Variants in PAM observed in about 807,000 individuals in gnomAD.
The protein encoded by PAM is peptidyl-glycine alpha-amidating monooxygenase.
In PAM, 72 loss-of-function variants were observed where a neutral mutation model predicts 122.1. The observed-to-expected ratio is 0.59, with a 90% CI of 0.49 to 0.72. PAM has a LOEUF of 0.72. Ranked by LOEUF, PAM falls within the 30% of genes least tolerant of loss-of-function variation. The probability of loss-of-function intolerance (pLI) is 0.00; values close to 1 mark genes in which losing one functional copy is unlikely to be tolerated. For missense variants in PAM, 1,106 were observed against 1,183.7 expected, an observed-to-expected ratio of 0.93 and a Z score of 0.96; for synonymous variants, 389 against 404.4, an observed-to-expected ratio of 0.96 and a Z score of 0.46.
At chr5:102,850,896 C>T (rs765234990) in intron 1 of PAM, among the ~76,000 whole-genome samples, 3 of 152,196 alleles carry the variant, frequency 2.0e-5, no homozygotes, top group Admixed American at 6.5e-5. Context: ...GGAGTAACTA[C>T]TGACTACCAT....
intron 1 of PAM, among the ~76,000 whole-genome samples, chr5:102,775,569 C>T (rs1203194396): frequency 1.3e-5 from 2 of 152,104 alleles, no homozygotes; most frequent in Non-Finnish European, 2.9e-5. Flanking sequence ...TCAGCTTCTA[C>T]TTATGAGTGA....
chr5:102,839,154 G>A (rs1309996617), intron 1 of PAM, among the ~76,000 whole-genome samples: 1 of 152,052 alleles, frequency 6.6e-6, no homozygotes, highest in Non-Finnish European at 1.5e-5. Context: ...CCCTCTCTAT[G>A]TAAAATTTCA....
chr5:103,020,896 C>G (rs969072218), intron 23 of PAM, among the ~76,000 whole-genome samples: 3 of 152,026 alleles, frequency 2.0e-5, no homozygotes, highest in Non-Finnish European at 4.4e-5. Context: ...TTGTAGAGAT[C>G]CAAGTGACAC....
chr5:102,799,126 G>C (rs554430076), intron 1 of PAM, among the ~76,000 whole-genome samples: 2 of 152,146 alleles, frequency 1.3e-5, no homozygotes, highest in African/African-American at 2.4e-5. Flanking sequence ...AAAATAACCT[G>C]GAATTCTGAC....
intron 14 of PAM, among the ~76,000 whole-genome samples, chr5:102,963,503 G>T (rs1480415342): frequency 6.6e-6 from 1 of 151,886 alleles, no homozygotes; most frequent in Non-Finnish European, 1.5e-5. Flanking sequence ...TTGGTGTTCT[G>T]GCCAAAACAA....
At chr5:102,918,150 A>G (rs1746105736) in intron 5 of PAM, among the ~76,000 whole-genome samples, 2 of 152,278 alleles carry the variant, frequency 1.3e-5, no homozygotes, top group African/African-American at 2.4e-5. Context: ...GAAAAGAAGC[A>G]GCTCTGCTGA....
intron 1 of PAM, among the ~76,000 whole-genome samples, chr5:102,853,454 T>A (rs1781813604): frequency 2.0e-5 from 3 of 152,164 alleles, no homozygotes; most frequent in Admixed American, 1.3e-4. Context: ...TCTGAAATAA[T>A]AAAGATGAAA....
intron 1 of PAM, among the ~76,000 whole-genome samples, chr5:102,804,501 G>T (rs1269673719): frequency 1.3e-5 from 2 of 152,286 alleles, no homozygotes; most frequent in East Asian, 1.9e-4. Flanking sequence ...TTTGTCATTA[G>T]AAGTTCTTGG....
At chr5:102,871,639 TGGA>T (rs1470419792) in intron 3 of PAM, among the ~76,000 whole-genome samples, 1 of 149,664 alleles carries the variant, frequency 6.7e-6, no homozygotes, top group Non-Finnish European at 1.5e-5. Flanking sequence ...TTATATTGCT[TGGA>T]GGAGAAGTTA....
At chr5:102,775,272 G>A (rs1346079863) in intron 1 of PAM, among the ~76,000 whole-genome samples, 1 of 151,954 alleles carries the variant, frequency 6.6e-6, no homozygotes, top group Non-Finnish European at 1.5e-5. Context: ...TGGTACTTTG[G>A]TGTAATATGA....
chr5:102,838,785 C>T (rs1287014976), intron 1 of PAM, among the ~76,000 whole-genome samples: 1 of 152,126 alleles, frequency 6.6e-6, no homozygotes, highest in Non-Finnish European at 1.5e-5. Flanking sequence ...TCATGAATGT[C>T]TAATTCTGCA....
At chr5:103,008,881 T>A (rs1191588911) in intron 20 of PAM, among the ~76,000 whole-genome samples, 1 of 152,038 alleles carries the variant, frequency 6.6e-6, no homozygotes, top group South Asian at 2.1e-4. Flanking sequence ...TGAGAAGGAA[T>A]ATGGTTAAGA....
At chr5:102,907,993 A>C (rs990666411) in intron 4 of PAM, among the ~76,000 whole-genome samples, 3 of 151,728 alleles carry the variant, frequency 2.0e-5, no homozygotes, top group South Asian at 2.1e-4. Flanking sequence ...CCCATTTGTC[A>C]ATTTTGTCTT....
chr5:102,756,439 T>G (rs1219007660), intron 1 of PAM, among the ~76,000 whole-genome samples: 1 of 152,202 alleles, frequency 6.6e-6, no homozygotes, highest in African/African-American at 2.4e-5. Flanking sequence ...TTATTGGACT[T>G]TGTTTGCTTC....
intron 14 of PAM, among the ~76,000 whole-genome samples, chr5:102,962,950 A>C (rs1053178252): frequency 2.6e-5 from 4 of 151,962 alleles, no homozygotes; most frequent in African/African-American, 9.6e-5. Flanking sequence ...ATTTTCCTGC[A>C]GTTTCTATTT....
intron 1 of PAM, among the ~76,000 whole-genome samples, chr5:102,803,133 G>A (rs565085662): frequency 0.021 from 2,709 of 127,812 alleles, 95 homozygotes; most frequent in East Asian, 0.12. Context: ...CAAAAAAAAA[G>A]AAAGAAAGAA....
chr5:102,933,287 A>C (rs550775351), intron 7 of PAM, among the ~76,000 whole-genome samples: 1 of 152,258 alleles, frequency 6.6e-6, no homozygotes, highest in Non-Finnish European at 1.5e-5. Flanking sequence ...TCATATTATC[A>C]GTTAGCATAA....
At chr5:102,802,960 A>C (rs1419964487) in intron 1 of PAM, among the ~76,000 whole-genome samples, 1 of 152,018 alleles carries the variant, frequency 6.6e-6, no homozygotes, top group Non-Finnish European at 1.5e-5. Flanking sequence ...TCTACACACA[A>C]AAAACATTAA....
At chr5:102,873,912 T>C (rs1561713496) in intron 3 of PAM, 1 of 152,204 alleles carries the variant, frequency 6.6e-6, no homozygotes, top group Non-Finnish European at 1.5e-5. Flanking sequence ...GTGATCTTCC[T>C]ATTGAAGGAG....
Sources: gnomAD v4.1 joint callset for allele counts (sites outside exome capture counted in the v4.1 genomes callset) on GRCh38, gnomAD v4.1.1 for gene constraint, MANE v1.5 for transcripts, NCBI Gene and HGNC (gene_info 2026-07-23, HGNC 2026-07-21) for gene names.